The following TEX10 variants were observed in gnomAD, a reference collection of about 807,000 sequenced individuals.
TEX10 encodes the protein testis expressed 10.
Under a neutral mutation model 104.4 loss-of-function variants are expected in TEX10, and 24 were observed. That is an observed-to-expected ratio of 0.23 (90% confidence interval 0.17 to 0.32). TEX10 has a LOEUF of 0.32. TEX10 is among the 10% of genes least tolerant of loss of function. TEX10 has a pLI of 1.00. For missense variants in TEX10, 921 were observed against 1,083.9 expected, an observed-to-expected ratio of 0.85 and a Z score of 2.11; for synonymous variants, 396 against 393.4, an observed-to-expected ratio of 1.01 and a Z score of -0.08.
intron 11 of TEX10, among the ~76,000 whole-genome samples, chr9:100,312,578 A>G (rs1834308057): frequency 6.6e-6 from 1 of 152,186 alleles, no homozygotes; most frequent in South Asian, 2.1e-4. Flanking sequence ...TAAATTCCAC[A>G]TGTTGGTTTC....
chr9:100,341,567 T>C (rs1335233287), intron 4 of TEX10, among the ~76,000 whole-genome samples: 1 of 152,176 alleles, frequency 6.6e-6, no homozygotes, highest in African/African-American at 2.4e-5. Context: ...TGGCTGGCTT[T>C]ACCTAGATCC....
chr9:100,346,428 A>G (rs1835300639), intron 3 of TEX10, 113 bp from the exon 4 acceptor site: 1 of 1,225,722 alleles, frequency 8.2e-7, no homozygotes, highest in South Asian at 1.7e-5. Flanking sequence ...TGAACTGATA[A>G]TTACATCAAT....
At chr9:100,352,341 A>C in intron 1 of TEX10, 2 of 1,550,160 alleles carry the variant, frequency 1.3e-6, no homozygotes, top group African/African-American at 2.7e-5. Context: ...CGCCTGGGCG[A>C]CCAGAGGACG....
chr9:100,315,160 G>C (rs1834384779), intron 11 of TEX10, among the ~76,000 whole-genome samples: 1 of 152,072 alleles, frequency 6.6e-6, no homozygotes, highest in Non-Finnish European at 1.5e-5. Context: ...GTTGGGACTT[G>C]TTGTGACCTA....
At chr9:100,311,132 C>T (rs1834270475) in intron 11 of TEX10, among the ~76,000 whole-genome samples, 1 of 152,040 alleles carries the variant, frequency 6.6e-6, no homozygotes, top group Admixed American at 6.6e-5. Flanking sequence ...CCTGGTGGCT[C>T]ATGACTGTAA....
At chr9:100,338,103 T>G (rs1176814576) in intron 5 of TEX10, among the ~76,000 whole-genome samples, 1 of 152,168 alleles carries the variant, frequency 6.6e-6, no homozygotes, top group Non-Finnish European at 1.5e-5. Flanking sequence ...GATGGCTTAT[T>G]AGGCTCTGCC....
At chr9:100,332,545 G>A (rs1390116657) in intron 5 of TEX10, among the ~76,000 whole-genome samples, 2 of 152,328 alleles carry the variant, frequency 1.3e-5, no homozygotes, top group African/African-American at 4.8e-5. Context: ...AAACAGGCCG[G>A]GCGCAGTGGC....
In TEX10 at chr9:100,346,967, G is replaced by A. The variant is rs749102576; in HGVS notation, c.620C>T (p.Ser207Phe). 6.2e-6 allele frequency: 10 copies of A among 1,614,060 alleles called. No individual in the cohort carries two copies. ...ATTAGGATTTACAGAAAGTATCCAG[G>A]ACTGGGATCTGTCTCTATTTATCAG... ...KGLINRDRSQ[S>F]WILSVNPNRR... Residue 207 changes from serine to phenylalanine, a missense_variant, in exon 3 of 15, where the codon TCC becomes TTC. Coordinates refer to ENST00000374902, the MANE Select transcript of TEX10 (RefSeq NM_017746.4).
intron 13 of TEX10, chr9:100,307,332 G>C (rs1834166184): frequency 6.6e-6 from 1 of 152,172 alleles, no homozygotes; most frequent in Admixed American, 6.5e-5. Flanking sequence ...ATCTATTGAT[G>C]CTTTCACACT....
intron 11 of TEX10, among the ~76,000 whole-genome samples, chr9:100,316,970 A>G (rs1834437873): frequency 6.6e-6 from 1 of 151,966 alleles, no homozygotes; most frequent in Admixed American, 6.6e-5. Flanking sequence ...GAGAACTAGA[A>G]AACACTGATG....
chr9:100,340,401 C>A (rs776655038), intron 4 of TEX10, 32 bp from the exon 5 acceptor site: 3 of 1,336,170 alleles, frequency 2.2e-6, no homozygotes, highest in Middle Eastern at 1.9e-4. Context: ...GAAAAATCTA[C>A]AAGAAAAAAT....
intron 11 of TEX10, among the ~76,000 whole-genome samples, chr9:100,314,387 G>A (rs1834361298): frequency 6.6e-6 from 1 of 151,982 alleles, no homozygotes; most frequent in Non-Finnish European, 1.5e-5. Context: ...CGCCCGGCCT[G>A]GAGATTTTTT....
At position 100,303,928 on chromosome 9, in the gene TEX10, C is replaced by T. The variant is rs1588160947; in HGVS notation, c.2466-86G>A. On this transcript the variant is annotated intron_variant, in intron 13 of 14. Transcript: ENST00000374902. ...CTATATTCCCCCAAAGTGAAATGTC[C>T]TTTTAAGGAACATGTTTTCCAATAA... 7 of 1,306,254 alleles carry T rather than the reference C, an allele frequency of 5.4e-6. 1 individual carries two copies. Among genetic ancestry groups the T allele is most frequent in the South Asian group, 3.8e-5 (3 of 79,818 alleles). 80.9% of individuals were successfully genotyped at this position (1,306,254 alleles called of 1,614,324 possible). A position where few individuals can be genotyped will look rare whatever the true frequency, so the allele number is the denominator to read the frequency against.
chr9:100,329,283 C>A lies in TEX10; in HGVS notation c.1490-8G>T. On this transcript the variant is annotated splice_region_variant and splice_polypyrimidine_tract_variant and intron_variant, in intron 6 of 14. Transcript: ENST00000374902. ...TAAGAGTCTCTGTGTCCTCTACAAA[C>A]AGAAAGAAAACAACTTGCATATGAA... The A allele has an allele frequency of 6.3e-7, 1 of 1,588,436 alleles. No individual in the cohort carries two copies. Among genetic ancestry groups the A allele is most frequent in the Non-Finnish European group, 8.5e-7 (1 of 1,174,584 alleles).
chr9:100,308,444 G>T, intron 13 of TEX10, 56 bp downstream of exon 13: 1 of 1,415,290 alleles, frequency 7.1e-7, no homozygotes, highest in East Asian at 2.3e-5. Context: ...TTTATTATTT[G>T]GTTGGGGGAG....
chr9:100,332,820 C>CAA (rs554324128), intron 5 of TEX10, among the ~76,000 whole-genome samples: 117 of 140,170 alleles, frequency 8.3e-4, no homozygotes, highest in Middle Eastern at 3.7e-3. Context: ...AACTCCATCT[C>CAA]AAAAAAAAAA....
intron 5 of TEX10, among the ~76,000 whole-genome samples, chr9:100,331,966 G>A (rs1222846134): frequency 6.6e-6 from 1 of 152,194 alleles, no homozygotes; most frequent in Non-Finnish European, 1.5e-5. Flanking sequence ...AATCATTAAG[G>A]GTTCTAACAG....
intron 10 of TEX10, 125 bp downstream of exon 10, chr9:100,321,558 C>T: frequency 1.4e-6 from 1 of 728,882 alleles, no homozygotes; most frequent in Non-Finnish European, 2.2e-6. Context: ...ACAAAAATCA[C>T]TCCAAGATAG....
chr9:100,331,764 GACAATGAGTT>G (rs1198853707), intron 5 of TEX10, among the ~76,000 whole-genome samples: 1 of 152,184 alleles, frequency 6.6e-6, no homozygotes, highest in Non-Finnish European at 1.5e-5. Context: ...ATACGAAAAG[GACAATGAGTT>G]ACAGCCTATA....
Sources: gnomAD v4.1 joint callset for allele counts (sites outside exome capture counted in the v4.1 genomes callset) on GRCh38, gnomAD v4.1.1 for gene constraint, MANE v1.5 for transcripts, NCBI Gene and HGNC (gene_info 2026-07-23, HGNC 2026-07-21) for gene names.